CTNNA3: variants seen among roughly 807,000 people sequenced by gnomAD.
CTNNA3 encodes the protein catenin alpha-3.
A neutral mutation model predicts 95.7 loss-of-function variants in CTNNA3; 76 were observed. The observed-to-expected ratio is 0.79, with a 90% confidence interval of 0.66 to 0.96. The LOEUF (loss-of-function observed/expected upper bound fraction) is 0.96, where lower values mean the gene tolerates loss of function less well. Ranked by LOEUF, CTNNA3 falls within the 40% of genes least tolerant of loss-of-function variation. The pLI is 0.00. For missense variants in CTNNA3, 1,191 were observed against 1,089.8 expected, an observed-to-expected ratio of 1.09 and a Z score of -1.31; for synonymous variants, 431 against 374.4, an observed-to-expected ratio of 1.15 and a Z score of -1.74.
intron 3 of CTNNA3, among the ~76,000 whole-genome samples, chr10:67,548,150 C>G (rs1372152368): frequency 6.6e-6 from 1 of 152,046 alleles, no homozygotes; most frequent in African/African-American, 2.4e-5. Flanking sequence ...TGCTCAGTTC[C>G]CATGAGATCT....
chr10:66,238,250 A>G (rs2089953086), intron 13 of CTNNA3, among the ~76,000 whole-genome samples: 1 of 152,030 alleles, frequency 6.6e-6, no homozygotes, highest in Non-Finnish European at 1.5e-5. Flanking sequence ...ACATCAGGTT[A>G]TAAATATTAA....
At chr10:67,583,131 G>C (rs1423450090) in intron 3 of CTNNA3, among the ~76,000 whole-genome samples, 1 of 152,084 alleles carries the variant, frequency 6.6e-6, no homozygotes, top group East Asian at 1.9e-4. Context: ...TTGCTCATTA[G>C]TTGATGCAGT....
At chr10:67,414,849 G>A (rs947897869) in intron 5 of CTNNA3, among the ~76,000 whole-genome samples, 4 of 152,152 alleles carry the variant, frequency 2.6e-5, no homozygotes, top group South Asian at 2.1e-4. Context: ...TCATATTTGC[G>A]TTTGTTGCAC....
At chr10:67,491,929 A>G (rs912823356) in intron 5 of CTNNA3, among the ~76,000 whole-genome samples, 4 of 152,148 alleles carry the variant, frequency 2.6e-5, no homozygotes, top group East Asian at 1.9e-4. Context: ...TTTACAATAT[A>G]TGATATATAA....
At chr10:67,080,688 T>C (rs1485343492) in intron 7 of CTNNA3, among the ~76,000 whole-genome samples, 1 of 151,922 alleles carries the variant, frequency 6.6e-6, no homozygotes, top group Non-Finnish European at 1.5e-5. Context: ...GGCGGGCGGA[T>C]CACGAGGTCA....
At chr10:67,554,355 A>G (rs1841151203) in intron 3 of CTNNA3, among the ~76,000 whole-genome samples, 2 of 152,186 alleles carry the variant, frequency 1.3e-5, no homozygotes, top group Non-Finnish European at 2.9e-5. Flanking sequence ...ACAATGGTTG[A>G]ACTAGTTTAC....
chr10:67,025,379 C>A (rs993028803), intron 7 of CTNNA3, among the ~76,000 whole-genome samples: 1 of 151,486 alleles, frequency 6.6e-6, no homozygotes, highest in Non-Finnish European at 1.5e-5. Flanking sequence ...TTTGTAAAGG[C>A]CACATATCCA....
At chr10:65,997,733 A>G (rs937150012) in intron 15 of CTNNA3, among the ~76,000 whole-genome samples, 6 of 152,064 alleles carry the variant, frequency 3.9e-5, no homozygotes, top group African/African-American at 1.4e-4. Flanking sequence ...TAAAAGAAAA[A>G]CGTCCGGGAG....
intron 5 of CTNNA3, among the ~76,000 whole-genome samples, chr10:67,516,318 T>C (rs1404820855): frequency 6.6e-6 from 1 of 152,230 alleles, no homozygotes; most frequent in Non-Finnish European, 1.5e-5. Context: ...GCTGATTCAC[T>C]ACTTTTTTCT....
At chr10:67,028,889 C>A (rs1255807259) in intron 7 of CTNNA3, among the ~76,000 whole-genome samples, 2 of 152,088 alleles carry the variant, frequency 1.3e-5, no homozygotes, top group Non-Finnish European at 2.9e-5. Flanking sequence ...ATTAATGAGT[C>A]ATTTTAACAT....
At chr10:67,647,691 C>T (rs1839759858) in intron 1 of CTNNA3, among the ~76,000 whole-genome samples, 173 bp from the exon 2 acceptor site, 1 of 152,114 alleles carries the variant, frequency 6.6e-6, no homozygotes, top group Non-Finnish European at 1.5e-5. Flanking sequence ...GAAGATATTC[C>T]CCAACTGTTC....
intron 5 of CTNNA3, among the ~76,000 whole-genome samples, chr10:67,322,130 T>TTTATAAAA (rs1175564801): frequency 6.6e-6 from 1 of 152,214 alleles, no homozygotes; most frequent in African/African-American, 2.4e-5. Context: ...AAAAAGACCT[T>TTTATAAAA]TTATAAAATT....
chr10:66,288,410 C>G (rs987071889), intron 12 of CTNNA3, among the ~76,000 whole-genome samples: 8 of 151,826 alleles, frequency 5.3e-5, no homozygotes, highest in African/African-American at 1.9e-4. Flanking sequence ...GAGAGGAAAC[C>G]TAACACCAAA....
intron 13 of CTNNA3, among the ~76,000 whole-genome samples, chr10:66,108,387 C>T (rs372122945): frequency 9.9e-5 from 15 of 152,164 alleles, no homozygotes; most frequent in East Asian, 9.7e-4. Flanking sequence ...CAGCACTTTC[C>T]ACTTAAGACT....
rs561988607 is a variant in CTNNA3 at position 66,149,061 on chromosome 10, T to G, written c.1885-45812A>C. On this transcript the variant is annotated intron_variant, in intron 13 of 17. Transcript: ENST00000433211. The stretch of plus-strand genomic sequence containing the variant: ...ACTACGTAGTTAACAATACTTGTTA[T>G]AGTTTATAGTTCAATTATAGTTAAC... Among the ~76,000 whole-genome samples the G allele has an allele frequency of 5.7e-4, 86 of 150,922 alleles. 1 individual carries two copies. Among genetic ancestry groups the G allele is most frequent in the African/African-American group, 2.0e-3 (83 of 41,344 alleles).
At chr10:67,692,676 C>T (rs1840889295) in intron 1 of CTNNA3, among the ~76,000 whole-genome samples, 1 of 133,172 alleles carries the variant, frequency 7.5e-6, no homozygotes, top group Admixed American at 7.5e-5. Context: ...ACCTTCCCTC[C>T]ACTATTGTCC....
intron 5 of CTNNA3, among the ~76,000 whole-genome samples, chr10:67,251,248 T>G (rs1002976908): frequency 7.9e-5 from 12 of 152,178 alleles, no homozygotes; most frequent in Non-Finnish European, 1.0e-4. Flanking sequence ...CCACATGGTA[T>G]GAGTTAGTTT....
At chr10:66,467,738 G>T (rs1838975548) in intron 11 of CTNNA3, among the ~76,000 whole-genome samples, 1 of 152,068 alleles carries the variant, frequency 6.6e-6, no homozygotes, top group African/African-American at 2.4e-5. Context: ...GCAGAGAAGT[G>T]AAATCAGAAC....
intron 11 of CTNNA3, among the ~76,000 whole-genome samples, chr10:66,421,897 G>GATATATATATATGTATAT (rs1554960196): frequency 1.8e-5 from 2 of 108,150 alleles, no homozygotes; most frequent in African/African-American, 7.0e-5. Context: ...TAATAAATGT[G>GATATATATATATGTATAT]ATATATATAT....
Sources: gnomAD v4.1 joint callset for allele counts (sites outside exome capture counted in the v4.1 genomes callset) on GRCh38, gnomAD v4.1.1 for gene constraint, MANE v1.5 for transcripts, NCBI Gene and HGNC (gene_info 2026-07-23, HGNC 2026-07-21) for gene names.